ZDHHC20: variants seen among roughly 807,000 people sequenced by gnomAD.
ZDHHC20 encodes zDHHC palmitoyltransferase 20.
ZDHHC20 carries 43 observed loss-of-function variants against 57.8 expected under a neutral mutation model. The ratio of observed to expected loss-of-function variants is 0.74; its 90% CI spans 0.58 to 0.96. The LOEUF (loss-of-function observed/expected upper bound fraction) is 0.96. Ranked by LOEUF, ZDHHC20 falls within the 40% of genes least tolerant of loss-of-function variation. ZDHHC20 has a pLI of 0.00. For missense variants in ZDHHC20, 391 were observed against 441.1 expected, an observed-to-expected ratio of 0.89 and a Z score of 1.02; for synonymous variants, 157 against 153.0, an observed-to-expected ratio of 1.03 and a Z score of -0.19.
intron 8 of ZDHHC20, 142 bp downstream of exon 8, chr13:21,391,579 TG>T (rs200921955): frequency 2.4e-6 from 2 of 845,994 alleles, no homozygotes; most frequent in Non-Finnish European, 3.5e-6. Flanking sequence ...CTGCAGTAGC[TG>T]GGATTATTAG....
chr13:21,414,892 A>C lies in ZDHHC20; in HGVS notation c.250-1120T>G, dbSNP rs114160765. Among the ~76,000 whole-genome samples the C allele has an allele frequency of 8.1e-3, 1,230 of 152,264 alleles. 19 individuals are homozygous for C. The highest frequency in any genetic ancestry group is 0.028 in the African/African-American group (1,163 of 41,538). On this transcript the variant is annotated intron_variant, in intron 3 of 12. Transcript: ENST00000400590. ...CAGTCTTTATTTCATAGATTAAAAAAAAAACAAAACTAAGAATGGCTTGAG... is the reference window on the plus strand; with the variant it reads ...CAGTCTTTATTTCATAGATTAAAAACAAAACAAAACTAAGAATGGCTTGAG...
chr13:21,425,715 T>C (rs1402986946), intron 1 of ZDHHC20, 37 bp from the exon 2 acceptor site: 2 of 1,040,472 alleles, frequency 1.9e-6, no homozygotes, highest in East Asian at 7.4e-5. Flanking sequence ...AAATATACTT[T>C]AAACATTTTG....
Position 21,459,186 on chromosome 13 carries a change from T to G in ZDHHC20, c.-15A>C, listed in dbSNP as rs776129494. ...CAGGGCGCCATGTTCCGCTGGCGGCTGCCGAGCCCCGCGTCCCACCGTTCT... is the reference window on the plus strand; with the variant it reads ...CAGGGCGCCATGTTCCGCTGGCGGCGGCCGAGCCCCGCGTCCCACCGTTCT... On this transcript the variant is annotated 5_prime_UTR_variant, in exon 1 of 13. Transcript: ENST00000400590. 1 of 1,589,266 alleles carries G rather than the reference T, an allele frequency of 6.3e-7. No individual in the cohort carries two copies. The highest frequency in any genetic ancestry group is 8.5e-7 in the Non-Finnish European group (1 of 1,169,618).
chr13:21,394,419 C>A (rs1444017813), intron 7 of ZDHHC20, among the ~76,000 whole-genome samples: 1 of 152,170 alleles, frequency 6.6e-6, no homozygotes, highest in Non-Finnish European at 1.5e-5. Flanking sequence ...ACTTAAATCT[C>A]TTACCCTGCT....
chr13:21,445,323 T>C (rs1002837385), intron 1 of ZDHHC20, among the ~76,000 whole-genome samples: 1 of 152,164 alleles, frequency 6.6e-6, no homozygotes, highest in Non-Finnish European at 1.5e-5. Context: ...TTGTATGGCC[T>C]CAAAAGAGAT....
At chr13:21,394,712 T>C (rs1876454572) in intron 7 of ZDHHC20, among the ~76,000 whole-genome samples, 1 of 152,242 alleles carries the variant, frequency 6.6e-6, no homozygotes, top group Admixed American at 6.5e-5. Context: ...AATTTAGATT[T>C]CATCTATCTG....
At chr13:21,423,588 C>T (rs929236212) in intron 2 of ZDHHC20, among the ~76,000 whole-genome samples, 9 of 151,712 alleles carry the variant, frequency 5.9e-5, no homozygotes, top group African/African-American at 1.9e-4. Flanking sequence ...GTGGGAGGAT[C>T]GCCTAAACCT....
chr13:21,387,620 G>C lies in ZDHHC20; in HGVS notation c.742C>G (p.Pro248Ala). The stretch of plus-strand genomic sequence containing the variant: ...CCATCAGGTCCGTATGAAAACGTGG[G>C]TGCGCGGAATGATTCTGTTAAATAT... ...NRTTIESFRA[P>A]TFSYGPDGNG... The change falls in exon 9 of 13, where the codon CCC (proline) becomes GCC (alanine). Residue 248 changes from proline to alanine, a missense_variant. Transcript: ENST00000400590. 9 of 1,469,432 alleles carry C rather than the reference G, an allele frequency of 6.1e-6. No individual in the cohort carries two copies. The highest frequency in any genetic ancestry group is 5.7e-5 in the African/African-American group (4 of 69,850). 91.0% of individuals were successfully genotyped at this position (1,469,432 alleles called of 1,614,324 possible).
intron 7 of ZDHHC20, among the ~76,000 whole-genome samples, chr13:21,398,669 A>G (rs760988948): frequency 6.6e-6 from 1 of 152,230 alleles, no homozygotes; most frequent in Non-Finnish European, 1.5e-5. Flanking sequence ...TAATTTTTCT[A>G]GCTTGGAAAC....
intron 1 of ZDHHC20, among the ~76,000 whole-genome samples, chr13:21,454,776 T>A (rs567573096): frequency 1.3e-5 from 2 of 152,278 alleles, no homozygotes; most frequent in East Asian, 1.9e-4. Context: ...CCTCTAAATT[T>A]GAAGAAGTTA....
chr13:21,414,527 A>ATATT lies in ZDHHC20; in HGVS notation c.250-756_250-755insAATA, dbSNP rs1555261215. Among the ~76,000 whole-genome samples, 350 of 107,516 alleles carry ATATT rather than the reference A, an allele frequency of 3.3e-3. 2 individuals are homozygous for ATATT. The highest frequency in any genetic ancestry group is 0.011 in the African/African-American group (342 of 32,390). The allele number at this position is 107,516 out of a possible 152,430, so 70.5% of individuals were successfully genotyped here. ...AGGCGCACGCCACTATGCCCGGATA[A>ATATT]TTTTTTTTTTTTTTTTTGTATTTTT... On this transcript the variant is annotated intron_variant, in intron 3 of 12. Coordinates refer to ENST00000400590, the MANE Select transcript of ZDHHC20 (RefSeq NM_001330059.2).
At position 21,432,186 on chromosome 13, in the gene ZDHHC20, G is replaced by T. The variant is rs557128483; in HGVS notation, c.119-6508C>A. Among the ~76,000 whole-genome samples, 209 of 151,998 alleles carry T rather than the reference G, an allele frequency of 1.4e-3. 1 individual carries two copies. The highest frequency in any genetic ancestry group is 2.3e-3 in the Non-Finnish European group (155 of 67,970). Reference sequence around the variant, plus strand: ...TCATATTTTATTTTATTATTTTTCAGACAGAATCTCGCTCTGTCGCCCAGG... The same window carrying T: ...TCATATTTTATTTTATTATTTTTCATACAGAATCTCGCTCTGTCGCCCAGG... On this transcript the variant is annotated intron_variant, in intron 1 of 12. Coordinates refer to ENST00000400590, the MANE Select transcript of ZDHHC20 (RefSeq NM_001330059.2).
chr13:21,456,048 C>T (rs922636918), intron 1 of ZDHHC20, among the ~76,000 whole-genome samples: 1 of 152,120 alleles, frequency 6.6e-6, no homozygotes, highest in Non-Finnish European at 1.5e-5. Context: ...TGAATTAATA[C>T]ATACATGTAA....
chr13:21,425,387 A>T (rs1213742827), intron 2 of ZDHHC20, among the ~76,000 whole-genome samples: 2 of 152,202 alleles, frequency 1.3e-5, no homozygotes, highest in Non-Finnish European at 2.9e-5. Context: ...TATTTATATA[A>T]ATACACAAAG....
Position 21,387,609 on chromosome 13 carries a change from T to C in ZDHHC20, c.753A>G (p.Ser251=). Reference sequence around the variant, plus strand: ...AGAAACCATTTCCATCAGGTCCGTATGAAAACGTGGGTGCGCGGAATGATT... The same window carrying C: ...AGAAACCATTTCCATCAGGTCCGTACGAAAACGTGGGTGCGCGGAATGATT... The part of the protein sequence containing the change: ...TIESFRAPTF[S]YGPDGNGFSL... Residue 251 remains serine, a synonymous_variant, in exon 9 of 13, where the codon TCA becomes TCG. Transcript: ENST00000400590. The C allele has an allele frequency of 2.0e-6, 3 of 1,491,344 alleles. No homozygotes were observed. The highest frequency in any genetic ancestry group is 2.7e-6 in the Non-Finnish European group (3 of 1,115,668). The allele number at this position is 1,491,344 out of a possible 1,614,324, so 92.4% of individuals were successfully genotyped here. A position where few individuals can be genotyped will look rare whatever the true frequency, so the allele number is the denominator to read the frequency against.
chr13:21,419,862 T>C lies in ZDHHC20; in HGVS notation c.249+1199A>G, dbSNP rs1012074003. Among the ~76,000 whole-genome samples the C allele has an allele frequency of 5.3e-5, 8 of 152,342 alleles. No individual in the cohort carries two copies. The South Asian group carries it at 1.7e-3, about 32-fold the overall frequency. On this transcript the variant is annotated intron_variant, in intron 3 of 12. Transcript: ENST00000400590. ...TCTTCACTGCAAAGTTAAATAGAAG[T>C]TGATACTATTTTTAAACATATGGTC...
intron 1 of ZDHHC20, among the ~76,000 whole-genome samples, chr13:21,430,478 T>C (rs1489904793): frequency 1.3e-5 from 2 of 151,984 alleles, no homozygotes; most frequent in Non-Finnish European, 2.9e-5. Flanking sequence ...TTTCTGATAC[T>C]ATCCCAGCAG....
chr13:21,382,709 T>C (rs1873640772), intron 10 of ZDHHC20, among the ~76,000 whole-genome samples: 1 of 152,180 alleles, frequency 6.6e-6, no homozygotes, highest in African/African-American at 2.4e-5. Context: ...TCTTTCCTAC[T>C]CGTAAGTGTT....
intron 3 of ZDHHC20, among the ~76,000 whole-genome samples, chr13:21,414,907 A>T (rs1178941802): frequency 6.6e-6 from 1 of 152,018 alleles, no homozygotes; most frequent in Non-Finnish European, 1.5e-5. Context: ...CAAAACTAAG[A>T]ATGGCTTGAG....
Sources: allele counts gnomAD v4.1 joint callset (sites outside exome capture counted in the v4.1 genomes callset), GRCh38; gene constraint gnomAD v4.1.1; transcripts MANE v1.5; gene names NCBI Gene and HGNC (gene_info 2026-07-23, HGNC 2026-07-21).